The following CDH4 variants were observed in gnomAD, a reference collection of about 807,000 sequenced individuals.
CDH4 encodes the protein cadherin-4.
CDH4 carries 33 observed loss-of-function variants against 86.0 expected under a neutral mutation model. The ratio of observed to expected loss-of-function variants is 0.38; its 90% CI spans 0.29 to 0.51. The LOEUF is 0.51. CDH4 is among the 20% of genes least tolerant of loss of function. The pLI, the probability that CDH4 is intolerant of heterozygous loss-of-function variation, is 0.86. For missense variants in CDH4, 1,114 were observed against 1,307.4 expected (o/e 0.85, Z 2.28); for synonymous variants, 555 against 549.4 (o/e 1.01, Z -0.14).
At chr20:61,642,157 G>T (rs1467702016) in intron 2 of CDH4, among the ~76,000 whole-genome samples, 1 of 152,238 alleles carries the variant, frequency 6.6e-6, no homozygotes, top group Non-Finnish European at 1.5e-5. Context: ...AAGAAAAAAT[G>T]AGTATGGTCT....
chr20:61,791,740 G>A (rs999602918), intron 4 of CDH4, among the ~76,000 whole-genome samples: 10 of 152,222 alleles, frequency 6.6e-5, no homozygotes, highest in Non-Finnish European at 1.0e-4. Context: ...AGGCCTCTCC[G>A]AGGAGCCAGA....
chr20:61,587,608 C>T, intron 2 of CDH4, among the ~76,000 whole-genome samples: 1 of 152,012 alleles, frequency 6.6e-6, no homozygotes. Context: ...TCCGCTCCTT[C>T]CCCAGCTGAC....
At chr20:61,341,835 A>T (rs2084650773) in intron 2 of CDH4, among the ~76,000 whole-genome samples, 2 of 152,300 alleles carry the variant, frequency 1.3e-5, no homozygotes, top group South Asian at 4.1e-4. Context: ...GCCAGAGACC[A>T]AGTGGGCGGG....
chr20:61,906,557 C>T (rs1408613640), intron 8 of CDH4, among the ~76,000 whole-genome samples: 1 of 152,262 alleles, frequency 6.6e-6, no homozygotes, highest in African/African-American at 2.4e-5. Flanking sequence ...AGGAGAAGCG[C>T]CCTAAGATTC....
intron 4 of CDH4, among the ~76,000 whole-genome samples, chr20:61,840,520 G>C (rs1600702500): frequency 1.3e-5 from 2 of 152,308 alleles, no homozygotes; most frequent in East Asian, 3.9e-4. Context: ...CTATCGCGGA[G>C]TCCCGTAAGT....
At chr20:61,299,966 G>A (rs766722485) in intron 2 of CDH4, among the ~76,000 whole-genome samples, 1 of 152,182 alleles carries the variant, frequency 6.6e-6, no homozygotes, top group Non-Finnish European at 1.5e-5. Flanking sequence ...GTGTAGAGGG[G>A]GGACCAGGTT....
At chr20:61,827,009 G>GTGTGTA (rs1981356376) in intron 4 of CDH4, among the ~76,000 whole-genome samples, 1 of 134,226 alleles carries the variant, frequency 7.5e-6, no homozygotes, top group East Asian at 2.1e-4. Context: ...GTGTGTGTGT[G>GTGTGTA]TATGTGTTTC....
chr20:61,358,090 T>C (rs918885676), intron 2 of CDH4, among the ~76,000 whole-genome samples: 3 of 152,216 alleles, frequency 2.0e-5, no homozygotes, highest in African/African-American at 7.2e-5. Flanking sequence ...TTAGGACTCA[T>C]AACTGTGGGT....
intron 7 of CDH4, among the ~76,000 whole-genome samples, chr20:61,883,606 A>G (rs1307176307): frequency 6.6e-6 from 1 of 152,234 alleles, no homozygotes; most frequent in Admixed American, 6.5e-5. Flanking sequence ...CTTATGGCTC[A>G]GAAACCCCAG....
chr20:61,300,081 G>C (rs1055034349), intron 2 of CDH4, among the ~76,000 whole-genome samples: 1 of 152,106 alleles, frequency 6.6e-6, no homozygotes, highest in Non-Finnish European at 1.5e-5. Context: ...ACGCTGACTG[G>C]CCATGCACTG....
chr20:61,454,585 A>G (rs533519807), intron 2 of CDH4, among the ~76,000 whole-genome samples: 1 of 152,136 alleles, frequency 6.6e-6, no homozygotes, highest in Non-Finnish European at 1.5e-5. Flanking sequence ...AGCTGGGACT[A>G]CAGGCGCCTG....
At chr20:61,348,602 G>T (rs1304838611) in intron 2 of CDH4, among the ~76,000 whole-genome samples, 2 of 152,084 alleles carry the variant, frequency 1.3e-5, no homozygotes, top group Non-Finnish European at 2.9e-5. Context: ...TTCACTTCCG[G>T]TGTTTAAATA....
chr20:61,857,684 T>G lies in CDH4; in HGVS notation c.877+4786T>G, dbSNP rs968985274. On this transcript the variant is annotated intron_variant, in intron 6 of 15. Coordinates refer to ENST00000614565, the MANE Select transcript of CDH4 (RefSeq NM_001794.5). ...GAAGAAATGACTTCTCAAAAAATCTTTTTATTTTGAGATAATTGTAGAGTC... is the reference window on the plus strand; with the variant it reads ...GAAGAAATGACTTCTCAAAAAATCTGTTTATTTTGAGATAATTGTAGAGTC... 3.3e-5 allele frequency among the ~76,000 whole-genome samples: 5 copies of G among 152,378 alleles called. No individual in the cohort carries two copies. In the East Asian group the frequency reaches 9.6e-4, roughly 29 times the overall value.
At chr20:61,698,144 C>T (rs148882556) in intron 2 of CDH4, among the ~76,000 whole-genome samples, 4 of 152,330 alleles carry the variant, frequency 2.6e-5, no homozygotes, top group East Asian at 3.9e-4. Context: ...CGTCCACCCT[C>T]GGAGGGGTCC....
chr20:61,924,330 G>C lies in CDH4; in HGVS notation c.1629-4G>C, dbSNP rs777787748. The C allele has an allele frequency of 1.3e-6, 2 of 1,535,244 alleles. No individual in the cohort carries two copies. The highest frequency in any genetic ancestry group is 1.4e-5 in the African/African-American group (1 of 69,994). The stretch of plus-strand genomic sequence containing the variant: ...ACCTCCCCCTGCACTTGTGGTCTCC[G>C]CAGATACTCAAAGCTGTCAGACCCA... On this transcript the variant is annotated splice_polypyrimidine_tract_variant and splice_region_variant and intron_variant, in intron 10 of 15. Transcript: ENST00000614565.
chr20:61,886,986 C>G (rs892174737), intron 7 of CDH4, among the ~76,000 whole-genome samples: 2 of 152,162 alleles, frequency 1.3e-5, no homozygotes, highest in African/African-American at 2.4e-5. Flanking sequence ...ATAAATGTGT[C>G]GAAACCTCCA....
chr20:61,353,094 ACT>A (rs2084723085), intron 2 of CDH4, among the ~76,000 whole-genome samples: 1 of 151,784 alleles, frequency 6.6e-6, no homozygotes, highest in Non-Finnish European at 1.5e-5. Context: ...CGCCTGCCCG[ACT>A]CTGTCCTGCT....
intron 2 of CDH4, among the ~76,000 whole-genome samples, chr20:61,671,279 G>T (rs771876380): frequency 2.6e-5 from 4 of 152,170 alleles, no homozygotes; most frequent in African/African-American, 9.7e-5. Flanking sequence ...ATGGCTTAAG[G>T]CCAGGAGTTT....
chr20:61,654,374 A>G (rs1021050319), intron 2 of CDH4, among the ~76,000 whole-genome samples: 7 of 152,236 alleles, frequency 4.6e-5, no homozygotes, highest in Admixed American at 2.0e-4. Context: ...AGATGGCAGC[A>G]GTACAGTCCA....
Sources: gnomAD v4.1 joint callset for allele counts (sites outside exome capture counted in the v4.1 genomes callset) on GRCh38, gnomAD v4.1.1 for gene constraint, MANE v1.5 for transcripts, NCBI Gene and HGNC (gene_info 2026-07-23, HGNC 2026-07-21) for gene names.